Variants in ATP9B observed in about 807,000 individuals in gnomAD.
The protein encoded by ATP9B is probable phospholipid-transporting ATPase IIB.
ATP9B carries 110 observed loss-of-function variants against 146.1 expected under a neutral mutation model. That is an observed-to-expected ratio of 0.75 (90% CI 0.65 to 0.88). The LOEUF (loss-of-function observed/expected upper bound fraction) is 0.88. Among genes scored for constraint, ATP9B ranks in the 40% least tolerant of loss-of-function variants. The pLI is 0.00. For synonymous variants in ATP9B, 604 were observed against 569.7 expected (o/e 1.06, Z -0.86); for missense variants, 1,499 against 1,496.4 (o/e 1.00, Z -0.03).
chr18:79,160,790 T>G (rs1479333069), intron 7 of ATP9B, among the ~76,000 whole-genome samples: 1 of 152,152 alleles, frequency 6.6e-6, no homozygotes, highest in African/African-American at 2.4e-5. Context: ...TTTCTCTTTT[T>G]GGAGGAGGTC....
intron 13 of ATP9B, among the ~76,000 whole-genome samples, chr18:79,279,612 T>G (rs1013868660): frequency 2.6e-5 from 4 of 152,172 alleles, no homozygotes; most frequent in African/African-American, 9.7e-5. Flanking sequence ...CATTAGGACA[T>G]TTAATACCAA....
intron 1 of ATP9B, among the ~76,000 whole-genome samples, chr18:79,069,965 ACTTCT>A (rs949742110): frequency 1.3e-4 from 20 of 152,214 alleles, no homozygotes; most frequent in African/African-American, 4.8e-4. Flanking sequence ...TATTGAAATG[ACTTCT>A]CTTCGACATT....
intron 11 of ATP9B, among the ~76,000 whole-genome samples, chr18:79,240,508 G>A (rs1568472643): frequency 6.6e-6 from 1 of 152,238 alleles, no homozygotes; most frequent in Non-Finnish European, 1.5e-5. Flanking sequence ...CACTTTGGGA[G>A]GCTGAGGCAG....
At chr18:79,124,266 C>T (rs7504390) in intron 4 of ATP9B, among the ~76,000 whole-genome samples, 89,368 of 152,136 alleles carry the variant, frequency 0.59, 28,369 homozygotes, top group African/African-American at 0.85. Flanking sequence ...ATGATGGTGA[C>T]GGTTGTACAA....
Position 79,096,637 on chromosome 18 carries a change from TC to T in ATP9B, c.283del (p.Leu95SerfsTer9). 6.2e-7 allele frequency: 1 copy of T among 1,613,036 alleles called. No individual in the cohort carries two copies. Among genetic ancestry groups the T allele is most frequent in the Non-Finnish European group, 8.5e-7 (1 of 1,179,448 alleles). ...TGGTTTGTCTGTGATGGCTGGAAGTTCCTCTGTACCAGGTTTGTTATCCATT... is the reference window on the plus strand; with the variant it reads ...TGGTTTGTCTGTGATGGCTGGAAGTTCTCTGTACCAGGTTTGTTATCCATT... The part of the protein sequence containing the change: ...LEWFVCDGWK[F>X]LCTSCCGWLI... On this transcript the variant is annotated frameshift_variant, in exon 2 of 30. Transcript: ENST00000426216. LOFTEE classifies it high-confidence loss of function.
intron 15 of ATP9B, among the ~76,000 whole-genome samples, chr18:79,324,309 A>G (rs1398613210): frequency 6.6e-6 from 1 of 152,006 alleles, no homozygotes; most frequent in Non-Finnish European, 1.5e-5. Flanking sequence ...TTTTAGCCCA[A>G]TGTGATCCTG....
At chr18:79,201,338 C>A (rs2095485704) in intron 9 of ATP9B, among the ~76,000 whole-genome samples, 1 of 152,102 alleles carries the variant, frequency 6.6e-6, no homozygotes, top group Admixed American at 6.5e-5. Flanking sequence ...CAGTTAAATT[C>A]AAATTTATCA....
chr18:79,364,751 T>G (rs2097016187), intron 26 of ATP9B, among the ~76,000 whole-genome samples: 1 of 152,216 alleles, frequency 6.6e-6, no homozygotes, highest in African/African-American at 2.4e-5. Context: ...CCAGGTGCAG[T>G]GGCTTATCAT....
intron 8 of ATP9B, among the ~76,000 whole-genome samples, chr18:79,185,015 A>G (rs1003862843): frequency 6.6e-6 from 1 of 152,012 alleles, no homozygotes; most frequent in Non-Finnish European, 1.5e-5. Flanking sequence ...CAGCCAAGCA[A>G]GGATGTCGGT....
At chr18:79,094,232 G>T (rs2074594352) in intron 1 of ATP9B, among the ~76,000 whole-genome samples, 1 of 152,154 alleles carries the variant, frequency 6.6e-6, no homozygotes, top group South Asian at 2.1e-4. Flanking sequence ...TGCTTATTTG[G>T]GTTTGGGCAC....
intron 11 of ATP9B, among the ~76,000 whole-genome samples, chr18:79,221,463 T>C (rs1385499099): frequency 6.6e-6 from 1 of 152,228 alleles, no homozygotes; most frequent in South Asian, 2.1e-4. Flanking sequence ...GGCTCGTGCC[T>C]GTAATCCCAG....
intron 5 of ATP9B, among the ~76,000 whole-genome samples, chr18:79,130,536 T>A (rs962459244): frequency 6.6e-6 from 1 of 151,774 alleles, no homozygotes; most frequent in Non-Finnish European, 1.5e-5. Flanking sequence ...AGAGAAAATA[T>A]GTGAAGGAAT....
At chr18:79,125,122 G>A (rs1006194380) in intron 4 of ATP9B, among the ~76,000 whole-genome samples, 2 of 152,190 alleles carry the variant, frequency 1.3e-5, no homozygotes, top group Admixed American at 1.3e-4. Flanking sequence ...TGTGGCAAGT[G>A]GAGAAGTATA....
intron 11 of ATP9B, among the ~76,000 whole-genome samples, chr18:79,215,979 C>T (rs191220289): frequency 2.0e-5 from 3 of 152,260 alleles, no homozygotes; most frequent in African/African-American, 4.8e-5. Flanking sequence ...CGTGAGCCAC[C>T]GCACCCGACC....
At chr18:79,211,740 T>C (rs2095585889) in intron 10 of ATP9B, among the ~76,000 whole-genome samples, 1 of 152,204 alleles carries the variant, frequency 6.6e-6, no homozygotes, top group Admixed American at 6.5e-5. Flanking sequence ...ACCATCATTT[T>C]TAGGGTCCTG....
chr18:79,257,949 G>A (rs2096099732), intron 12 of ATP9B, among the ~76,000 whole-genome samples: 1 of 152,186 alleles, frequency 6.6e-6, no homozygotes, highest in African/African-American at 2.4e-5. Context: ...CAGCATTGAA[G>A]AGTATTGAGA....
chr18:79,144,062 A>G, intron 6 of ATP9B: 1 of 379,564 alleles, frequency 2.6e-6, no homozygotes, highest in East Asian at 4.0e-5. Flanking sequence ...GTGTGCAGGC[A>G]AAGTCATATT....
At chr18:79,093,937 A>G (rs1238189633) in intron 1 of ATP9B, among the ~76,000 whole-genome samples, 6 of 152,178 alleles carry the variant, frequency 3.9e-5, no homozygotes, top group Non-Finnish European at 7.3e-5. Flanking sequence ...TCTCTTGACT[A>G]TTGGCCATAT....
chr18:79,198,068 A>G (rs375755968), intron 9 of ATP9B, among the ~76,000 whole-genome samples: 3 of 152,214 alleles, frequency 2.0e-5, no homozygotes, highest in South Asian at 4.1e-4. Flanking sequence ...AGTTGAATAT[A>G]AAACAAGTCT....
Sources: gnomAD v4.1 joint callset for allele counts (sites outside exome capture counted in the v4.1 genomes callset) on GRCh38, gnomAD v4.1.1 for gene constraint, MANE v1.5 for transcripts, NCBI Gene and HGNC (gene_info 2026-07-23, HGNC 2026-07-21) for gene names.